NEGR1: variants seen among roughly 807,000 people sequenced by gnomAD.
NEGR1 encodes neuronal growth regulator 1.
In NEGR1, 10 loss-of-function variants were observed where a neutral mutation model predicts 40.9. The observed-to-expected ratio is 0.24, with a 90% CI of 0.15 to 0.42. NEGR1 has a LOEUF of 0.42. Ranked by LOEUF, NEGR1 falls within the 10% of genes least tolerant of loss-of-function variation. The pLI, the probability that NEGR1 is intolerant of heterozygous loss-of-function variation, is 1.00. For synonymous variants in NEGR1, 185 were observed against 166.8 expected (o/e 1.11, Z -0.84); for missense variants, 352 against 438.9 (o/e 0.80, Z 1.77).
intron 4 of NEGR1, among the ~76,000 whole-genome samples, chr1:71,614,480 C>T (rs1300900121): frequency 2.0e-5 from 3 of 152,142 alleles, no homozygotes; most frequent in Non-Finnish European, 1.5e-5. Context: ...ACTTCATGTA[C>T]TTGTCAATTA....
chr1:72,058,420 A>G (rs552373491), intron 1 of NEGR1, among the ~76,000 whole-genome samples: 8 of 151,724 alleles, frequency 5.3e-5, no homozygotes, highest in South Asian at 2.1e-4. Flanking sequence ...AAAGGGTTCT[A>G]TGAGGTTGTT....
chr1:71,807,128 C>A (rs1029645811), intron 2 of NEGR1, among the ~76,000 whole-genome samples: 7 of 151,906 alleles, frequency 4.6e-5, no homozygotes, highest in Admixed American at 3.3e-4. Context: ...AATCTCCTGA[C>A]CTCATGATCT....
chr1:72,019,482 G>A (rs74832898), intron 1 of NEGR1, among the ~76,000 whole-genome samples: 3,461 of 152,206 alleles, frequency 0.023, 118 homozygotes, highest in African/African-American at 0.079. Context: ...GTATGAACCT[G>A]AAGATTCTTT....
intron 2 of NEGR1, among the ~76,000 whole-genome samples, chr1:71,906,251 GGAGT>G (rs1398212444): frequency 1.3e-5 from 2 of 151,918 alleles, no homozygotes; most frequent in Admixed American, 6.6e-5. Context: ...AGGGGGAAAG[GGAGT>G]GAGGGACAAA....
intron 1 of NEGR1, among the ~76,000 whole-genome samples, chr1:72,190,606 A>T (rs1652786217): frequency 6.6e-6 from 1 of 151,672 alleles, no homozygotes; most frequent in Non-Finnish European, 1.5e-5. Flanking sequence ...GGTATTCCTA[A>T]ACATATACTT....
At chr1:71,914,554 C>T (rs1435457085) in intron 2 of NEGR1, among the ~76,000 whole-genome samples, 1 of 152,178 alleles carries the variant, frequency 6.6e-6, no homozygotes, top group Non-Finnish European at 1.5e-5. Flanking sequence ...TTGTCACTCC[C>T]ATTTACCAGA....
At chr1:71,564,744 T>C (rs1648563512) in intron 6 of NEGR1, among the ~76,000 whole-genome samples, 1 of 152,096 alleles carries the variant, frequency 6.6e-6, no homozygotes, top group Admixed American at 6.6e-5. Context: ...TATATGGATA[T>C]GATAGACTAT....
chr1:72,119,887 C>T (rs1411861485), intron 1 of NEGR1, among the ~76,000 whole-genome samples: 2 of 151,968 alleles, frequency 1.3e-5, no homozygotes, highest in Non-Finnish European at 2.9e-5. Context: ...CTTGGTTACA[C>T]TCACATCTTC....
chr1:72,191,797 T>C (rs1045593441), intron 1 of NEGR1, among the ~76,000 whole-genome samples: 6 of 151,626 alleles, frequency 4.0e-5, no homozygotes, highest in African/African-American at 1.5e-4. Flanking sequence ...TCATATCAAC[T>C]GTATCTATCT....
intron 1 of NEGR1, among the ~76,000 whole-genome samples, chr1:72,272,467 T>C (rs1655876356): frequency 6.6e-6 from 1 of 151,870 alleles, no homozygotes; most frequent in African/African-American, 2.4e-5. Flanking sequence ...TTAGAAAAAC[T>C]TTATGATCTG....
chr1:71,945,666 A>G (rs1026267192), intron 1 of NEGR1, among the ~76,000 whole-genome samples: 1 of 152,078 alleles, frequency 6.6e-6, no homozygotes, highest in East Asian at 1.9e-4. Flanking sequence ...CCTTGGTGTT[A>G]TATTTTAAAA....
intron 1 of NEGR1, among the ~76,000 whole-genome samples, chr1:71,973,583 A>G (rs903352442): frequency 6.6e-6 from 1 of 152,194 alleles, no homozygotes; most frequent in Non-Finnish European, 1.5e-5. Context: ...TCATTAAAAT[A>G]TTTATCTTTA....
intron 1 of NEGR1, among the ~76,000 whole-genome samples, chr1:72,140,224 TTTG>T (rs59526560): frequency 5.0e-4 from 76 of 150,720 alleles, no homozygotes; most frequent in Middle Eastern, 3.4e-3. Flanking sequence ...GATAACTGTT[TTTG>T]TTGTTGTTGT....
intron 2 of NEGR1, among the ~76,000 whole-genome samples, chr1:71,861,155 T>C (rs148458913): frequency 6.6e-6 from 1 of 152,180 alleles, no homozygotes; most frequent in African/African-American, 2.4e-5. Flanking sequence ...AGCCTGGATT[T>C]GCATCACATC....
chr1:71,738,632 CT>C (rs1655112656), intron 3 of NEGR1, among the ~76,000 whole-genome samples: 1 of 151,984 alleles, frequency 6.6e-6, no homozygotes, highest in Non-Finnish European at 1.5e-5. Flanking sequence ...GGAATGCTGT[CT>C]GGTGTAGAGT....
chr1:72,159,607 A>G (rs1651482108), intron 1 of NEGR1, among the ~76,000 whole-genome samples: 1 of 152,168 alleles, frequency 6.6e-6, no homozygotes, highest in Non-Finnish European at 1.5e-5. Flanking sequence ...GTTTCCATGA[A>G]CTTAAAGAAC....
At chr1:72,126,398 T>C (rs1650026141) in intron 1 of NEGR1, among the ~76,000 whole-genome samples, 1 of 152,184 alleles carries the variant, frequency 6.6e-6, no homozygotes, top group African/African-American at 2.4e-5. Context: ...GTATTATTTA[T>C]TTCTGATTAA....
intron 1 of NEGR1, among the ~76,000 whole-genome samples, chr1:72,267,859 G>T (rs567982449): frequency 2.0e-5 from 3 of 151,120 alleles, no homozygotes; most frequent in South Asian, 4.1e-4. Flanking sequence ...GCTAACAGAA[G>T]AAATGATGAA....
At chr1:71,955,105 A>G (rs1218207298) in intron 1 of NEGR1, among the ~76,000 whole-genome samples, 1 of 152,154 alleles carries the variant, frequency 6.6e-6, no homozygotes, top group Non-Finnish European at 1.5e-5. Context: ...CATGCTTTAC[A>G]GATTACTACA....
Sources: allele counts gnomAD v4.1 joint callset (sites outside exome capture counted in the v4.1 genomes callset), GRCh38; gene constraint gnomAD v4.1.1; transcripts MANE v1.5; gene names NCBI Gene and HGNC (gene_info 2026-07-23, HGNC 2026-07-21).